Variants in BRCA1 observed in about 807,000 individuals in gnomAD.
BRCA1 encodes breast cancer type 1 susceptibility protein.
BRCA1 carries 140 observed loss-of-function variants against 173.7 expected under a neutral mutation model. The ratio of observed to expected loss-of-function variants is 0.81; its 90% CI spans 0.70 to 0.93. The LOEUF is 0.93. Among genes scored for constraint, BRCA1 ranks in the 40% least tolerant of loss-of-function variants. The probability of loss-of-function intolerance (pLI) is 0.00; values close to 1 mark genes in which losing one functional copy is unlikely to be tolerated. For missense variants in BRCA1, 1,983 were observed against 2,172.5 expected, an observed-to-expected ratio of 0.91 and a Z score of 1.73; for synonymous variants, 662 against 756.0, an observed-to-expected ratio of 0.88 and a Z score of 2.04.
chr17:43,167,975 A>C (rs2056279158), intron 1 of BRCA1: 1 of 182,066 alleles, frequency 5.5e-6, no homozygotes, highest in African/African-American at 2.4e-5. Flanking sequence ...GGAGTGGGAG[A>C]GGCAGAGTGG....
At chr17:43,103,848 T>G (rs1441830384) in intron 6 of BRCA1, among the ~76,000 whole-genome samples, 1 of 152,014 alleles carries the variant, frequency 6.6e-6, no homozygotes, top group Non-Finnish European at 1.5e-5. Context: ...GGCTCACACC[T>G]GTAATCCCAG....
intron 1 of BRCA1, among the ~76,000 whole-genome samples, chr17:43,143,341 G>A (rs937363088): frequency 7.9e-5 from 12 of 151,982 alleles, no homozygotes; most frequent in African/African-American, 2.7e-4. Flanking sequence ...GAGATAATTG[G>A]GGCAGGCAGC....
In BRCA1 at chr17:43,044,352, G is replaced by A. The variant is rs765804641; in HGVS notation, c.*1326C>T. 3.6e-5 allele frequency: 18 copies of A among 497,340 alleles called. No homozygotes were observed. The highest frequency in any genetic ancestry group is 1.9e-4 in the African/African-American group (10 of 51,868). 30.8% of individuals were successfully genotyped at this position (497,340 alleles called of 1,614,324 possible). The stretch of plus-strand genomic sequence containing the variant: ...GTTAACAGCACAACATTTACAAAAC[G>A]TATTTTGTACAATCAAGTCTTCACT... On this transcript the variant is annotated 3_prime_UTR_variant, in exon 23 of 23. Transcript: ENST00000357654.
chr17:43,100,667 T>TAAC (rs1347374187), intron 6 of BRCA1, among the ~76,000 whole-genome samples: 2 of 34,242 alleles, frequency 5.8e-5, no homozygotes, highest in South Asian at 1.1e-3. Flanking sequence ...CATATATATA[T>TAAC]ATATATATAT....
intron 22 of BRCA1, 110 bp from the exon 23 acceptor site, chr17:43,045,912 G>A (rs2152641410): frequency 7.3e-7 from 1 of 1,372,036 alleles, no homozygotes; most frequent in Non-Finnish European, 1.0e-6. Flanking sequence ...GATTAATGAG[G>A]TAGAAGCTAA....
At chr17:43,115,328 CT>C (rs2055212402) in intron 3 of BRCA1, among the ~76,000 whole-genome samples, 1 of 151,986 alleles carries the variant, frequency 6.6e-6, no homozygotes, top group Admixed American at 6.6e-5. Flanking sequence ...ATGGTGAAAC[CT>C]TATCTCTACT....
At chr17:43,100,693 AT>A (rs2054432344) in intron 6 of BRCA1, among the ~76,000 whole-genome samples, 1 of 105,766 alleles carries the variant, frequency 9.5e-6, no homozygotes, top group Non-Finnish European at 1.8e-5. Context: ...ATATATATAT[AT>A]ATATATATGT....
rs80357114 is a variant in BRCA1 at position 43,093,286 on chromosome 17, C to A, written c.2245G>T (p.Asp749Tyr). ...KVSNNAEDPK[D>Y]LMLSGERVLQ... The stretch of plus-strand genomic sequence containing the variant: ...ACCCTTTCTCCACTTAACATGAGAT[C>A]TTTGGGGTCTTCAGCATTATTAGAC... The change falls in exon 10 of 23, where the codon GAT becomes TAT. Residue 749 changes from aspartate to tyrosine, a missense_variant. Coordinates refer to ENST00000357654, the MANE Select transcript of BRCA1 (RefSeq NM_007294.4). 1.2e-6 allele frequency: 2 copies of A among 1,614,098 alleles called. No individual in the cohort carries two copies. The highest frequency in any genetic ancestry group is 3.3e-5 in the Admixed American group (2 of 60,014).
At chr17:43,100,678 A>ATATATATAT (rs1491277616) in intron 6 of BRCA1, among the ~76,000 whole-genome samples, 20 of 36,240 alleles carry the variant, frequency 5.5e-4, no homozygotes, top group Admixed American at 3.3e-3. Context: ...ATATATATAT[A>ATATATATAT]ATATATATAT....
chr17:43,148,026 C>G (rs1488320407), intron 1 of BRCA1, among the ~76,000 whole-genome samples: 2 of 152,230 alleles, frequency 1.3e-5, no homozygotes, highest in African/African-American at 4.8e-5. Context: ...TTCACTGGAG[C>G]CAGGATAAGC....
intron 1 of BRCA1, among the ~76,000 whole-genome samples, chr17:43,154,217 G>T (rs1197606560): frequency 6.6e-6 from 1 of 151,504 alleles, no homozygotes; most frequent in East Asian, 1.9e-4. Context: ...CAGGCACGGG[G>T]GCTCACGCTT....
intron 12 of BRCA1, among the ~76,000 whole-genome samples, chr17:43,081,573 C>G (rs555977909): frequency 6.6e-6 from 1 of 152,162 alleles, no homozygotes; most frequent in Admixed American, 6.5e-5. Context: ...TACTCACCAC[C>G]CCTGCATGTT....
Position 43,093,448 on chromosome 17 carries a change from C to A in BRCA1, c.2083G>T (p.Asp695Tyr), listed in dbSNP as rs28897681. ...GTTAACTTCAGCTCTGGGAAAGTAT[C>A]GCTGTCATGTCTTTTACTTGTCTGT... ...NEQTSKRHDS[D>Y]TFPELKLTNA... Residue 695 changes from aspartate (D) to tyrosine (Y), a missense_variant, in exon 10 of 23, where the codon GAT (aspartate) becomes TAT (tyrosine). By Grantham distance (160) the Asp-to-Tyr change is radical (BLOSUM62 -3). Transcript: ENST00000357654. 61 of 1,613,910 alleles carry A rather than the reference C, an allele frequency of 3.8e-5. No individual in the cohort carries two copies. The highest frequency in any genetic ancestry group is 4.1e-5 in the Non-Finnish European group (48 of 1,179,968).
At chr17:43,081,146 C>G (rs1051613812) in intron 12 of BRCA1, among the ~76,000 whole-genome samples, 1 of 152,114 alleles carries the variant, frequency 6.6e-6, no homozygotes, top group South Asian at 2.1e-4. Context: ...TTAAATCTTA[C>G]ACATTATAAT....
In BRCA1 at chr17:43,054,039, T is replaced by C. The variant is rs8176289; in HGVS notation, c.5278-2922A>G. Reference sequence around the variant, plus strand: ...ATTTCTCTTCCAGAGAAAAATACTATGGTGACATTTAGTATTTTCAGAATG... The same window carrying C: ...ATTTCTCTTCCAGAGAAAAATACTACGGTGACATTTAGTATTTTCAGAATG... On this transcript the variant is annotated intron_variant, in intron 19 of 22. Coordinates refer to ENST00000357654, the MANE Select transcript of BRCA1 (RefSeq NM_007294.4). 0.31 allele frequency among the ~76,000 whole-genome samples: 47,214 copies of C among 152,060 alleles called. 7,714 individuals are homozygous for C. Among genetic ancestry groups the C allele is most frequent in the South Asian group, 0.49 (2,378 of 4,822 alleles).
At chr17:43,163,332 G>A (rs1182539169) in intron 1 of BRCA1, 1 of 152,216 alleles carries the variant, frequency 6.6e-6, no homozygotes, top group Non-Finnish European at 1.5e-5. Flanking sequence ...GTTTTGTCAG[G>A]TCAGGTAGCC....
intron 14 of BRCA1, among the ~76,000 whole-genome samples, chr17:43,072,863 TG>T (rs2052516570): frequency 6.7e-6 from 1 of 149,936 alleles, no homozygotes; most frequent in Non-Finnish European, 1.5e-5. Flanking sequence ...CCACCACGCC[TG>T]GCCCCAGCTA....
In BRCA1 at chr17:43,045,730, C is replaced by T. The variant is rs1182000313; in HGVS notation, c.5540G>A (p.Cys1847Tyr). 6.2e-7 allele frequency: 1 copy of T among 1,613,946 alleles called. No homozygotes were observed. The highest frequency in any genetic ancestry group is 1.1e-5 in the South Asian group (1 of 91,044). ...TATCAGGTAGGTGTCCAGCTCCTGG[C>T]ACTGGTAGAGTGCTACACTGTCCAA... is the stretch of plus-strand genomic sequence containing the variant. ...WVLDSVALYQ[C>Y]QELDTYLIPQ... The change falls in exon 23 of 23, where the codon TGC (cysteine) becomes TAC (tyrosine). Residue 1847 changes from cysteine to tyrosine, a missense_variant. Cys to Tyr is a radical substitution (Grantham distance 194). Transcript: ENST00000357654.
chr17:43,088,241 ACTAT>A (rs773647432), intron 11 of BRCA1, among the ~76,000 whole-genome samples: 3 of 152,180 alleles, frequency 2.0e-5, no homozygotes, highest in African/African-American at 4.8e-5. Context: ...TACCATTGCC[ACTAT>A]CTATCTCCAG....
Sources: allele counts gnomAD v4.1 joint callset (sites outside exome capture counted in the v4.1 genomes callset), GRCh38; gene constraint gnomAD v4.1.1; transcripts MANE v1.5; gene names NCBI Gene and HGNC (gene_info 2026-07-23, HGNC 2026-07-21).